Variants in OTUD7A observed in about 807,000 individuals in gnomAD.
The protein encoded by OTUD7A is OTU domain-containing protein 7A.
In OTUD7A, 12 loss-of-function variants were observed where a neutral mutation model predicts 65.7. The ratio of observed to expected loss-of-function variants is 0.18; its 90% CI spans 0.12 to 0.30. The LOEUF is 0.30. OTUD7A is among the 10% of genes least tolerant of loss of function. The probability of loss-of-function intolerance (pLI) is 1.00; values close to 1 mark genes in which losing one functional copy is unlikely to be tolerated. For synonymous variants in OTUD7A, 641 were observed against 586.3 expected (o/e 1.09, Z -1.35); for missense variants, 1,148 against 1,304.8 (o/e 0.88, Z 1.85).
chr15:31,512,019 CT>C (rs574112993), intron 8 of OTUD7A, among the ~76,000 whole-genome samples: 55 of 152,238 alleles, frequency 3.6e-4, no homozygotes, highest in African/African-American at 1.3e-3. Flanking sequence ...CCTCCCATGG[CT>C]TTTTGTGTCT....
chr15:31,856,423 C>G (rs976312550), intron 1 of OTUD7A, among the ~76,000 whole-genome samples: 9 of 151,910 alleles, frequency 5.9e-5, no homozygotes, highest in African/African-American at 2.2e-4. Context: ...AATAAATAAG[C>G]AAAGGAAAGA....
At chr15:31,637,485 C>T (rs71474678) in intron 3 of OTUD7A, among the ~76,000 whole-genome samples, 4 of 152,204 alleles carry the variant, frequency 2.6e-5, no homozygotes, top group South Asian at 2.1e-4. Context: ...AATGTTTTCA[C>T]GTCTGCTAAT....
intron 3 of OTUD7A, among the ~76,000 whole-genome samples, chr15:31,632,766 C>T (rs1224217763): frequency 6.7e-6 from 1 of 149,574 alleles, no homozygotes; most frequent in Non-Finnish European, 1.5e-5. Context: ...CTGTGGTGGG[C>T]TCCACCCAGT....
At chr15:31,605,541 G>A (rs186995912) in intron 3 of OTUD7A, among the ~76,000 whole-genome samples, 6 of 152,312 alleles carry the variant, frequency 3.9e-5, no homozygotes, top group Non-Finnish European at 7.3e-5. Context: ...CCAACTAACA[G>A]CATGGAAACT....
intron 1 of OTUD7A, among the ~76,000 whole-genome samples, chr15:31,797,552 CCTT>C (rs1274024662): frequency 6.6e-6 from 1 of 152,206 alleles, no homozygotes; most frequent in Non-Finnish European, 1.5e-5. Flanking sequence ...CTTGCCCTGT[CCTT>C]CTTCACTGAG....
chr15:31,809,311 T>C (rs994988803), intron 1 of OTUD7A, among the ~76,000 whole-genome samples: 10 of 152,224 alleles, frequency 6.6e-5, no homozygotes, highest in African/African-American at 2.4e-4. Flanking sequence ...GACCATCCTT[T>C]GCTGTCTACC....
intron 1 of OTUD7A, among the ~76,000 whole-genome samples, chr15:31,668,424 T>A (rs1360126646): frequency 1.3e-5 from 2 of 152,358 alleles, no homozygotes; most frequent in Non-Finnish European, 2.9e-5. Context: ...TTTCTTATAC[T>A]TGTTCAATTC....
chr15:31,778,728 TGTCTCTCTCTCTCACACACACAC>T (rs1567018640), intron 1 of OTUD7A, among the ~76,000 whole-genome samples: 4 of 151,748 alleles, frequency 2.6e-5, no homozygotes, highest in South Asian at 4.2e-4. Flanking sequence ...AAGATGTGTG[TGTCTCTCTCTCTCACACACACAC>T]ACACAGACAC....
Position 31,863,202 on chromosome 15 carries a change from C to T in OTUD7A, c.-100+7305G>A, listed in dbSNP as rs574906768. On this transcript the variant is annotated intron_variant, in intron 1 of 12. Transcript: ENST00000307050. ...CCTCCCTCCTGGCTGCTTTCAGGGG[C>T]TGGTGTTGAGTGTCTATGGCTTTTC... Among the ~76,000 whole-genome samples, 4 of 152,312 alleles carry T rather than the reference C, an allele frequency of 2.6e-5. No homozygotes were observed. In the East Asian group the frequency reaches 7.7e-4, roughly 29 times the overall value.
intron 1 of OTUD7A, among the ~76,000 whole-genome samples, chr15:31,824,603 G>A (rs956265940): frequency 2.6e-5 from 4 of 152,066 alleles, no homozygotes; most frequent in Non-Finnish European, 4.4e-5. Context: ...TAGCCTCTTC[G>A]ACATAGTGAT....
chr15:31,818,700 C>T (rs558092941), intron 1 of OTUD7A, among the ~76,000 whole-genome samples: 117 of 152,262 alleles, frequency 7.7e-4, no homozygotes, highest in African/African-American at 2.6e-3. Flanking sequence ...GGATGGACAA[C>T]GGATGGTAGT....
intron 1 of OTUD7A, among the ~76,000 whole-genome samples, chr15:31,860,677 G>GTGTGTATATATATATATATATACA (rs560896384): frequency 1.4e-5 from 1 of 73,284 alleles, no homozygotes; most frequent in Non-Finnish European, 2.6e-5. Context: ...ATGTATGTGT[G>GTGTGTATATATATATATATATACA]TATATATATA....
rs959500242 is a variant in OTUD7A, at chr15:31,526,523, C to T, written c.781-62G>A. 9.6e-6 allele frequency: 13 copies of T among 1,360,854 alleles called. 1 individual carries two copies. In the African/African-American group the frequency reaches 1.4e-4, roughly 15 times the overall value. The allele number at this position is 1,360,854 out of a possible 1,614,324, so 84.3% of individuals were successfully genotyped here. A position where few individuals can be genotyped will look rare whatever the true frequency, so the allele number is the denominator to read the frequency against. ...CACAGCTGCGCTGCCCTCCTCTCCT[C>T]ACCCTCCCAATCTGGACCAGCCTCA... On this transcript the variant is annotated intron_variant, in intron 7 of 12. Coordinates refer to ENST00000307050, the MANE Select transcript of OTUD7A (RefSeq NM_001382637.1).
At chr15:31,681,274 CCTGT>C (rs1413001824) in intron 1 of OTUD7A, among the ~76,000 whole-genome samples, 7 of 151,524 alleles carry the variant, frequency 4.6e-5, no homozygotes, top group East Asian at 1.9e-4. Flanking sequence ...TTTCTGCCAT[CCTGT>C]CTATTTCTAC....
intron 10 of OTUD7A, among the ~76,000 whole-genome samples, chr15:31,489,424 T>G (rs530376691): frequency 6.6e-6 from 1 of 152,318 alleles, no homozygotes; most frequent in South Asian, 2.1e-4. Flanking sequence ...GGTCTGGCTG[T>G]CCACCCGCTT....
intron 1 of OTUD7A, among the ~76,000 whole-genome samples, chr15:31,734,878 T>C (rs1185294342): frequency 1.3e-5 from 2 of 151,934 alleles, no homozygotes; most frequent in East Asian, 1.9e-4. Context: ...CCAAAAGCAA[T>C]TGCAACAAAA....
chr15:31,519,596 G>A (rs1006938625), intron 8 of OTUD7A, among the ~76,000 whole-genome samples: 1 of 152,222 alleles, frequency 6.6e-6, no homozygotes, highest in African/African-American at 2.4e-5. Flanking sequence ...GGAACAAGAT[G>A]AGGATGCCCA....
chr15:31,671,742 C>T lies in OTUD7A; in HGVS notation c.-99-14665G>A, dbSNP rs34807570. Among the ~76,000 whole-genome samples, 261 of 151,946 alleles carry T rather than the reference C, an allele frequency of 1.7e-3. 1 individual carries two copies. Among genetic ancestry groups the T allele is most frequent in the Middle Eastern group, 6.8e-3 (2 of 294 alleles). ...TTTTTATTTAAAACTCTTTTTTAAA[C>T]GATTCCCATAATACTTGTTTATTTT... On this transcript the variant is annotated intron_variant, in intron 1 of 12. Coordinates refer to ENST00000307050, the MANE Select transcript of OTUD7A (RefSeq NM_001382637.1).
At chr15:31,663,707 A>G (rs1892237810) in intron 1 of OTUD7A, among the ~76,000 whole-genome samples, 1 of 152,086 alleles carries the variant, frequency 6.6e-6, no homozygotes, top group Non-Finnish European at 1.5e-5. Flanking sequence ...ATTGGGGTAC[A>G]GGTGGTGTTT....
Sources: allele counts gnomAD v4.1 joint callset (sites outside exome capture counted in the v4.1 genomes callset), GRCh38; gene constraint gnomAD v4.1.1; transcripts MANE v1.5; gene names NCBI Gene and HGNC (gene_info 2026-07-23, HGNC 2026-07-21).